Variants in ANK3 observed in about 807,000 individuals in gnomAD.
The protein encoded by ANK3 is ankyrin-3.
A neutral mutation model predicts 370.9 loss-of-function variants in ANK3; 57 were observed. The observed-to-expected ratio is 0.15, with a 90% CI of 0.12 to 0.19. ANK3 has a LOEUF of 0.19. Among genes scored for constraint, ANK3 ranks in the 10% least tolerant of loss-of-function variants. The pLI is 1.00. For missense variants in ANK3, 4,439 were observed against 5,302.1 expected (o/e 0.84, Z 5.06); for synonymous variants, 1,929 against 1,946.3 (o/e 0.99, Z 0.23).
intron 1 of ANK3, among the ~76,000 whole-genome samples, chr10:60,634,236 G>C (rs112295458): frequency 6.6e-6 from 1 of 152,166 alleles, no homozygotes; most frequent in Non-Finnish European, 1.5e-5. Context: ...GCTTGGTTGG[G>C]TGGAAATCTC....
intron 1 of ANK3, among the ~76,000 whole-genome samples, chr10:60,360,831 C>T (rs1304132899): frequency 1.3e-5 from 2 of 151,958 alleles, no homozygotes; most frequent in Non-Finnish European, 2.9e-5. Flanking sequence ...TAAATCTAAT[C>T]GTGTAAAACC....
At chr10:60,126,720 C>G (rs2093780923) in intron 25 of ANK3, among the ~76,000 whole-genome samples, 1 of 151,790 alleles carries the variant, frequency 6.6e-6, no homozygotes, top group Non-Finnish European at 1.5e-5. Flanking sequence ...AAAGAAATCC[C>G]CAACTTTATA....
intron 1 of ANK3, among the ~76,000 whole-genome samples, chr10:60,340,632 G>A (rs1300911254): frequency 6.6e-6 from 1 of 151,976 alleles, no homozygotes; most frequent in African/African-American, 2.4e-5. Context: ...TGCTGGTCTC[G>A]AACTCCTGGG....
At chr10:60,593,033 A>G (rs1296686233) in intron 2 of ANK3, among the ~76,000 whole-genome samples, 1 of 152,170 alleles carries the variant, frequency 6.6e-6, no homozygotes, top group Non-Finnish European at 1.5e-5. Flanking sequence ...TTTGAAACCT[A>G]CTTAGAATTT....
chr10:60,172,323 C>T lies in ANK3; in HGVS notation c.2463G>A (p.Glu821=). The T allele has an allele frequency of 6.2e-7, 1 of 1,613,810 alleles. No homozygotes were observed. Among genetic ancestry groups the T allele is most frequent in the Non-Finnish European group, 8.5e-7 (1 of 1,179,754 alleles). ...CCTTACTTACAGTTGTGGTCATGGT[C>T]TCTTCGGTCACTATCTTCAGGGTGT... ...VVDTLKIVTE[E]TMTTTTVTEK... Residue 821 remains glutamate (E), a synonymous_variant, in exon 21 of 44, where the codon GAG becomes GAA. Transcript: ENST00000280772.
At chr10:60,330,450 AAGC>A (rs2050959349) in intron 1 of ANK3, among the ~76,000 whole-genome samples, 1 of 152,166 alleles carries the variant, frequency 6.6e-6, no homozygotes, top group African/African-American at 2.4e-5. Flanking sequence ...ATAAATCAAA[AAGC>A]AGGCAAAGGA....
At position 60,072,587 on chromosome 10, in the gene ANK3, T is replaced by C. The variant is rs1385226404; in HGVS notation, c.8294A>G (p.Glu2765Gly). 1.8e-5 allele frequency: 29 copies of C among 1,613,608 alleles called. No homozygotes were observed. Among genetic ancestry groups the C allele is most frequent in the South Asian group, 2.2e-5 (2 of 90,956 alleles). Reference sequence around the variant, plus strand: ...GAGGTCTATGGCCTTCTGCTGTTTTTCTCTAGCAAAAACTTGGTAGACGGG... The same window carrying C: ...GAGGTCTATGGCCTTCTGCTGTTTTCCTCTAGCAAAAACTTGGTAGACGGG... ...KLPVYQVFAREKQQKAIDLPD... is the reference protein window; with the variant it reads ...KLPVYQVFARGKQQKAIDLPD... The change falls in exon 37 of 44, where the codon GAA (glutamate) becomes GGA (glycine). Residue 2765 changes from glutamate (E) to glycine (G), a missense_variant. Physicochemically the swap from Glu to Gly is moderately conservative, Grantham distance 98. Around this residue, in one of 13 missense-constraint regions of ANK3, gnomAD observed 1,601 missense variants for 1,731.7 expected, o/e 0.92. Coordinates refer to ENST00000280772, the MANE Select transcript of ANK3 (RefSeq NM_020987.5).
intron 1 of ANK3, among the ~76,000 whole-genome samples, chr10:60,341,737 T>A (rs985208061): frequency 6.6e-6 from 1 of 152,166 alleles, no homozygotes; most frequent in Non-Finnish European, 1.5e-5. Context: ...GAGTGATTGG[T>A]TTTTGAATGA....
intron 1 of ANK3, among the ~76,000 whole-genome samples, chr10:60,335,483 C>T (rs528139232): frequency 1.3e-5 from 2 of 152,242 alleles, no homozygotes; most frequent in South Asian, 4.1e-4. Flanking sequence ...TGGACCATTC[C>T]TGCTGTTTGG....
chr10:60,051,315 T>C (rs574780124), intron 42 of ANK3, among the ~76,000 whole-genome samples: 4 of 152,330 alleles, frequency 2.6e-5, no homozygotes, highest in Non-Finnish European at 5.9e-5. Flanking sequence ...TTTTGGTTGT[T>C]GTTTTTACAA....
chr10:60,441,965 T>C (rs1024572633), intron 2 of ANK3, among the ~76,000 whole-genome samples: 16 of 152,244 alleles, frequency 1.1e-4, no homozygotes, highest in African/African-American at 3.4e-4. Flanking sequence ...AGCAAACAAA[T>C]ACAGTTGTCT....
intron 43 of ANK3, among the ~76,000 whole-genome samples, chr10:60,041,240 C>T (rs940507621): frequency 6.6e-6 from 1 of 152,166 alleles, no homozygotes; most frequent in Non-Finnish European, 1.5e-5. Flanking sequence ...TGGATCATAC[C>T]ACACTCTTGC....
intron 1 of ANK3, among the ~76,000 whole-genome samples, chr10:60,384,385 C>T (rs1355203806): frequency 6.6e-6 from 1 of 152,138 alleles, no homozygotes; most frequent in Non-Finnish European, 1.5e-5. Flanking sequence ...AGACATAAAG[C>T]CTGTCGTTTA....
intron 1 of ANK3, among the ~76,000 whole-genome samples, chr10:60,371,028 A>G (rs571636545): frequency 6.6e-6 from 1 of 152,180 alleles, no homozygotes; most frequent in East Asian, 1.9e-4. Flanking sequence ...CATCACTGAC[A>G]GGTTCTTTCG....
At chr10:60,388,132 C>T (rs2062675888) in intron 1 of ANK3, among the ~76,000 whole-genome samples, 2 of 151,972 alleles carry the variant, frequency 1.3e-5, no homozygotes, top group Admixed American at 1.3e-4. Flanking sequence ...TTGAAATACG[C>T]CTGCACACAA....
At chr10:60,655,665 T>G (rs1361173426) in intron 1 of ANK3, among the ~76,000 whole-genome samples, 1 of 152,104 alleles carries the variant, frequency 6.6e-6, no homozygotes, top group Non-Finnish European at 1.5e-5. Flanking sequence ...TTTATAAATT[T>G]AGTGTAGCCT....
chr10:60,103,947 G>A (rs2091749725), intron 28 of ANK3, among the ~76,000 whole-genome samples: 1 of 152,166 alleles, frequency 6.6e-6, no homozygotes, highest in African/African-American at 2.4e-5. Flanking sequence ...GAACATGGAT[G>A]GAGCTGGAGG....
chr10:60,175,585 T>C (rs1474026267), intron 18 of ANK3, among the ~76,000 whole-genome samples: 1 of 152,220 alleles, frequency 6.6e-6, no homozygotes, highest in African/African-American at 2.4e-5. Context: ...CAACACTGGA[T>C]AGAGCTCAGC....
At chr10:60,278,138 T>C (rs17807097) in intron 4 of ANK3, among the ~76,000 whole-genome samples, 2,959 of 152,318 alleles carry the variant, frequency 0.019, 38 homozygotes, top group South Asian at 0.035. Flanking sequence ...CCTATGTTCA[T>C]TACAAAGAAT....
Sources: gnomAD v4.1 joint callset for allele counts (sites outside exome capture counted in the v4.1 genomes callset) on GRCh38, gnomAD v4.1.1 for gene constraint, gnomAD v4.1.1 regional missense constraint, MANE v1.5 for transcripts, NCBI Gene and HGNC (gene_info 2026-07-23, HGNC 2026-07-21) for gene names.